KCNQ3: variants seen among roughly 807,000 people sequenced by gnomAD.
The protein encoded by KCNQ3 is potassium voltage-gated channel subfamily KQT member 3.
A neutral mutation model predicts 92.5 loss-of-function variants in KCNQ3; 30 were observed. That is an observed-to-expected ratio of 0.32 (90% CI 0.24 to 0.44). The LOEUF is 0.44. Among genes scored for constraint, KCNQ3 ranks in the 20% least tolerant of loss-of-function variants. The pLI is 1.00. For missense variants in KCNQ3, 913 were observed against 1,140.3 expected (o/e 0.80, Z 2.87); for synonymous variants, 450 against 468.8 (o/e 0.96, Z 0.52).
intron 12 of KCNQ3, among the ~76,000 whole-genome samples, chr8:132,134,616 CAG>C (rs760083834): frequency 6.6e-6 from 1 of 151,718 alleles, no homozygotes; most frequent in Admixed American, 6.6e-5. Flanking sequence ...GAGAGAAAGA[CAG>C]AGCCAGAGAG....
chr8:132,250,592 C>A (rs1041961178), intron 1 of KCNQ3, among the ~76,000 whole-genome samples: 10 of 152,172 alleles, frequency 6.6e-5, no homozygotes, highest in Non-Finnish European at 1.2e-4. Flanking sequence ...GTCTCAGTGG[C>A]CTAGTTGTAC....
chr8:132,222,290 C>T (rs1283382632), intron 1 of KCNQ3, among the ~76,000 whole-genome samples: 1 of 152,202 alleles, frequency 6.6e-6, no homozygotes, highest in East Asian at 1.9e-4. Flanking sequence ...TTCATGTGAG[C>T]AAACAATGAT....
intron 13 of KCNQ3, 129 bp from the exon 14 acceptor site, chr8:132,132,393 C>A: frequency 1.3e-6 from 1 of 744,370 alleles, no homozygotes; most frequent in Non-Finnish European, 2.4e-6. Context: ...CATAAAAGAG[C>A]ACCAATCAAC....
At chr8:132,446,121 T>C (rs575649998) in intron 1 of KCNQ3, among the ~76,000 whole-genome samples, 5 of 152,190 alleles carry the variant, frequency 3.3e-5, no homozygotes, top group Middle Eastern at 3.4e-3. Context: ...TGGGTTACTG[T>C]TTGCCTCTCC....
At chr8:132,473,443 C>T (rs1488316693) in intron 1 of KCNQ3, among the ~76,000 whole-genome samples, 1 of 152,192 alleles carries the variant, frequency 6.6e-6, no homozygotes, top group Non-Finnish European at 1.5e-5. Flanking sequence ...CTAATATTAA[C>T]AAGGTTGTCA....
At chr8:132,253,064 A>T (rs1223513224) in intron 1 of KCNQ3, among the ~76,000 whole-genome samples, 1 of 152,220 alleles carries the variant, frequency 6.6e-6, no homozygotes, top group Non-Finnish European at 1.5e-5. Flanking sequence ...AGGATTTTAC[A>T]ACGGCACTTC....
intron 1 of KCNQ3, among the ~76,000 whole-genome samples, chr8:132,359,673 G>A (rs1031276467): frequency 6.6e-6 from 1 of 152,186 alleles, no homozygotes; most frequent in Non-Finnish European, 1.5e-5. Flanking sequence ...CTAATTGTGT[G>A]ATTGGTTATT....
chr8:132,141,407 C>T lies in KCNQ3; in HGVS notation c.1263-76G>A, dbSNP rs549209325. The T allele has an allele frequency of 4.0e-5, 50 of 1,235,382 alleles. No homozygotes were observed. The African/African-American group carries it at 6.1e-4, about 15-fold the overall frequency. 76.5% of individuals were successfully genotyped at this position (1,235,382 alleles called of 1,614,324 possible). A position where few individuals can be genotyped will look rare whatever the true frequency, so the allele number is the denominator to read the frequency against. ...AAAATTTCCCATCCCTCCATAAAGA[C>T]TCACACATTCTCCTCCAAGGAGAAA... On this transcript the variant is annotated intron_variant, in intron 9 of 14. Transcript: ENST00000388996.
At chr8:132,209,812 G>T (rs1813795600) in intron 1 of KCNQ3, among the ~76,000 whole-genome samples, 2 of 152,214 alleles carry the variant, frequency 1.3e-5, no homozygotes, top group East Asian at 3.9e-4. Flanking sequence ...TAGTTCAGGT[G>T]TATTAAATGC....
intron 1 of KCNQ3, among the ~76,000 whole-genome samples, chr8:132,459,288 C>G (rs1822009342): frequency 6.6e-6 from 1 of 152,110 alleles, no homozygotes; most frequent in Non-Finnish European, 1.5e-5. Context: ...TAGTGTGCTA[C>G]AAAGGAATAC....
chr8:132,385,660 G>A (rs940405173), intron 1 of KCNQ3, among the ~76,000 whole-genome samples: 3 of 152,262 alleles, frequency 2.0e-5, no homozygotes, highest in African/African-American at 2.4e-5. Context: ...GCAGTAAGAA[G>A]ACCCTCACCT....
At chr8:132,461,361 C>T (rs149337759) in intron 1 of KCNQ3, among the ~76,000 whole-genome samples, 6 of 152,140 alleles carry the variant, frequency 3.9e-5, no homozygotes, top group South Asian at 4.2e-4. Context: ...GTCAGGAGTT[C>T]GAGACCGGCC....
rs186432620 is a variant in KCNQ3 at position 132,257,849 on chromosome 8, C to A, written c.387-71668G>T. On this transcript the variant is annotated intron_variant, in intron 1 of 14. Coordinates refer to ENST00000388996, the MANE Select transcript of KCNQ3 (RefSeq NM_004519.4). The stretch of plus-strand genomic sequence containing the variant: ...AAAACATGTACCATACAAATGGTAA[C>A]CAATAGAGAGCTGGGGTGGCCATAA... Among the ~76,000 whole-genome samples, 132 of 150,182 alleles carry A rather than the reference C, an allele frequency of 8.8e-4. 1 individual carries two copies. Among genetic ancestry groups the A allele is most frequent in the Admixed American group, 1.9e-3 (29 of 15,100 alleles).
chr8:132,163,586 A>C (rs970553795), intron 8 of KCNQ3, 92 bp from the exon 9 acceptor site: 15 of 1,092,414 alleles, frequency 1.4e-5, no homozygotes, highest in Non-Finnish European at 1.4e-6. Context: ...TTCTCTCTGA[A>C]GATGATGGAG....
At chr8:132,215,458 C>T (rs1288698314) in intron 1 of KCNQ3, among the ~76,000 whole-genome samples, 1 of 152,206 alleles carries the variant, frequency 6.6e-6, no homozygotes, top group African/African-American at 2.4e-5. Flanking sequence ...ATTCTGTTTT[C>T]TTCTCTCCAT....
chr8:132,162,038 C>A (rs1433419478), intron 9 of KCNQ3, among the ~76,000 whole-genome samples: 1 of 152,168 alleles, frequency 6.6e-6, no homozygotes, highest in East Asian at 1.9e-4. Flanking sequence ...CACCAAACAC[C>A]CAGCAATAAT....
chr8:132,480,290 G>A lies in KCNQ3; in HGVS notation c.243C>T (p.Thr81=). ...GGGRDEGQRR[T]PQGIGLLAKT... is the part of the protein sequence containing the mutation. ...TGGCCAGGAGCCCGATGCCCTGCGGGGTCCTCCGCTGCCCCTCGTCGCGGC... is the reference window on the plus strand; with the variant it reads ...TGGCCAGGAGCCCGATGCCCTGCGGAGTCCTCCGCTGCCCCTCGTCGCGGC... The change falls in exon 1 of 15, where the codon ACC becomes ACT. Residue 81 remains threonine, a synonymous_variant. Transcript: ENST00000388996. The A allele has an allele frequency of 1.2e-6, 2 of 1,608,210 alleles. No individual in the cohort carries two copies. Among genetic ancestry groups the A allele is most frequent in the East Asian group, 4.5e-5 (2 of 44,634 alleles).
At chr8:132,379,882 G>C (rs1436510283) in intron 1 of KCNQ3, among the ~76,000 whole-genome samples, 1 of 148,642 alleles carries the variant, frequency 6.7e-6, no homozygotes, top group African/African-American at 2.5e-5. Flanking sequence ...AGGAAATCTT[G>C]GCATCTTTTT....
chr8:132,177,353 G>A (rs951917768), intron 4 of KCNQ3, among the ~76,000 whole-genome samples: 5 of 152,148 alleles, frequency 3.3e-5, no homozygotes, highest in Admixed American at 2.6e-4. Flanking sequence ...ACCTGTGACT[G>A]TTCCCCAACA....
Sources: allele counts gnomAD v4.1 joint callset (sites outside exome capture counted in the v4.1 genomes callset), GRCh38; gene constraint gnomAD v4.1.1; transcripts MANE v1.5; gene names NCBI Gene and HGNC (gene_info 2026-07-23, HGNC 2026-07-21).